MGME1: variants seen among roughly 807,000 people sequenced by gnomAD.
MGME1 encodes chromosome 20 open reading frame 72.
In MGME1, 22 loss-of-function variants were observed where a neutral mutation model predicts 33.0. The ratio of observed to expected loss-of-function variants is 0.67; its 90% confidence interval spans 0.48 to 0.95. MGME1 has a LOEUF of 0.95. Among genes scored for constraint, MGME1 ranks in the 40% least tolerant of loss-of-function variants. The pLI is 0.00. For synonymous variants in MGME1, 133 were observed against 144.0 expected (o/e 0.92, Z 0.55); for missense variants, 383 against 397.8 (o/e 0.96, Z 0.32).
intron 2 of MGME1, among the ~76,000 whole-genome samples, chr20:17,973,085 C>G (rs953915631): frequency 2.6e-5 from 4 of 152,144 alleles, no homozygotes; most frequent in African/African-American, 9.7e-5. Context: ...TGGCTCATGC[C>G]TGTAATCCTA....
At chr20:17,976,550 A>C (rs1352714951) in intron 3 of MGME1, among the ~76,000 whole-genome samples, 1 of 152,222 alleles carries the variant, frequency 6.6e-6, no homozygotes, top group East Asian at 1.9e-4. Context: ...TAAAGATAGC[A>C]CCATGATCTG....
chr20:17,981,814 T>C (rs1049484797), intron 3 of MGME1, among the ~76,000 whole-genome samples: 3 of 152,042 alleles, frequency 2.0e-5, no homozygotes, highest in East Asian at 3.9e-4. Flanking sequence ...GGTGCCTGGC[T>C]AATTTTTTTT....
chr20:17,986,169 A>T (rs1344227346), intron 3 of MGME1, among the ~76,000 whole-genome samples: 1 of 152,014 alleles, frequency 6.6e-6, no homozygotes, highest in African/African-American at 2.4e-5. Context: ...CCCAGGTTCA[A>T]GTAATTCTCC....
At chr20:17,976,724 C>T (rs1056128198) in intron 3 of MGME1, among the ~76,000 whole-genome samples, 9 of 151,922 alleles carry the variant, frequency 5.9e-5, no homozygotes, top group Admixed American at 1.3e-4. Flanking sequence ...TGCAGTGGTG[C>T]GATTTCAGCT....
At position 17,990,410 on chromosome 20, in the gene MGME1, T is replaced by TGGGCGGGGG. The variant is rs1555792156; in HGVS notation, c.*304_*305insCGGGGGGGG. The stretch of plus-strand genomic sequence containing the variant: ...ACTCTTGTACTCCCTTGAGGGACAT[T>TGGGCGGGGG]GGGGGGGGGGGGGCGTGGTCCCAGG... On this transcript the variant is annotated 3_prime_UTR_variant, in exon 5 of 5. Coordinates refer to ENST00000377710, the MANE Select transcript of MGME1 (RefSeq NM_052865.4). 5 of 44,514 alleles carry TGGGCGGGGG rather than the reference T, an allele frequency of 1.1e-4. No homozygotes were observed. Among genetic ancestry groups the TGGGCGGGGG allele is most frequent in the African/African-American group, 7.0e-4 (5 of 7,190 alleles). The allele number at this position is 44,514 out of a possible 1,614,324, so 2.8% of individuals were successfully genotyped here. A position where few individuals can be genotyped will look rare whatever the true frequency, so the allele number is the denominator to read the frequency against.
intron 2 of MGME1, among the ~76,000 whole-genome samples, chr20:17,971,411 C>T (rs2035726109): frequency 6.6e-6 from 1 of 152,178 alleles, no homozygotes; most frequent in South Asian, 2.1e-4. Flanking sequence ...GTCTGCTTTC[C>T]AAGCAAGCAA....
intron 2 of MGME1, among the ~76,000 whole-genome samples, chr20:17,973,904 C>T (rs1405327847): frequency 6.6e-6 from 1 of 152,090 alleles, no homozygotes; most frequent in African/African-American, 2.4e-5. Context: ...ATGGGGGTAA[C>T]TTACAATCCC....
intron 3 of MGME1, among the ~76,000 whole-genome samples, chr20:17,987,825 T>C (rs541046506): frequency 1.3e-5 from 2 of 152,228 alleles, no homozygotes; most frequent in South Asian, 2.1e-4. Context: ...CCTTTTGATA[T>C]TTGCATTTGG....
Position 17,975,891 on chromosome 20 carries a change from T to C in MGME1, c.719T>C (p.Val240Ala), listed in dbSNP as rs745452518. 3.7e-6 allele frequency: 6 copies of C among 1,613,444 alleles called. No homozygotes were observed. In the South Asian group the frequency reaches 6.6e-5, roughly 18 times the overall value. The change falls in exon 3 of 5, where the codon GTG becomes GCG. Residue 240 changes from valine (V) to alanine (A), a missense_variant. Transcript: ENST00000377710. ...AACTATATAGGTCTGCTGGACTGTG[T>C]GGCTGAGTATCAGTAAGTATGAGAT... Reference protein sequence around the residue: ...TLNYIGLLDCVAEYQGKLCVI... With the variant: ...TLNYIGLLDCAAEYQGKLCVI...
At position 17,990,684 on chromosome 20, in the gene MGME1, A is replaced by G. The variant is rs909564140; in HGVS notation, c.*575A>G. 2.0e-5 allele frequency: 3 copies of G among 153,778 alleles called. No individual in the cohort carries two copies. In the South Asian group the frequency reaches 6.1e-4, roughly 31 times the overall value. 9.5% of individuals were successfully genotyped at this position (153,778 alleles called of 1,614,324 possible). A position where few individuals can be genotyped will look rare whatever the true frequency, so the allele number is the denominator to read the frequency against. On this transcript the variant is annotated 3_prime_UTR_variant, in exon 5 of 5. Transcript: ENST00000377710. ...AAAAATAAATACGTGATTAGCCTCA[A>G]CTAAACATTGCTGACTATAAAGACA...
chr20:17,973,640 C>A (rs76229700), intron 2 of MGME1, among the ~76,000 whole-genome samples: 20 of 147,664 alleles, frequency 1.4e-4, no homozygotes, highest in African/African-American at 1.5e-4. Flanking sequence ...GACCCTGTCT[C>A]AAAAAAAAAA....
rs746698375 is a variant in MGME1, at chr20:17,975,874, A to G, written c.702A>G (p.Ile234Met). The change falls in exon 3 of 5, where the codon ATA (isoleucine) becomes ATG (methionine). Residue 234 changes from isoleucine to methionine, a missense_variant. Coordinates refer to ENST00000377710, the MANE Select transcript of MGME1 (RefSeq NM_052865.4). ...SAVQHETLNY[I>M]GLLDCVAEYQ... Reference sequence around the variant, plus strand: ...TTCAACATGAAACCTTAAACTATATAGGTCTGCTGGACTGTGTGGCTGAGT... The same window carrying G: ...TTCAACATGAAACCTTAAACTATATGGGTCTGCTGGACTGTGTGGCTGAGT... 19 of 1,614,060 alleles carry G rather than the reference A, an allele frequency of 1.2e-5. No individual in the cohort carries two copies. In the South Asian group the frequency reaches 2.0e-4, roughly 17 times the overall value.
intron 3 of MGME1, among the ~76,000 whole-genome samples, chr20:17,977,914 T>TG (rs2035908868): frequency 1.3e-5 from 2 of 152,074 alleles, no homozygotes; most frequent in Non-Finnish European, 2.9e-5. Context: ...GTACCCCTAA[T>TG]CCAAATAAGG....
At chr20:17,988,057 A>G (rs1000729566) in intron 3 of MGME1, 109 bp from the exon 4 acceptor site, 13 of 1,097,822 alleles carry the variant, frequency 1.2e-5, no homozygotes, top group Non-Finnish European at 1.7e-5. Context: ...AATAAGAGCA[A>G]TGGTCATTGG....
intron 4 of MGME1, among the ~76,000 whole-genome samples, chr20:17,989,627 C>G (rs944712127): frequency 1.3e-5 from 2 of 151,598 alleles, no homozygotes; most frequent in African/African-American, 4.8e-5. Context: ...TGTGCCACTG[C>G]ACTCCAGCCT....
Position 17,990,098 on chromosome 20 carries a change from T to C in MGME1, c.1024T>C (p.Tyr342His). 2 of 1,614,042 alleles carry C rather than the reference T, an allele frequency of 1.2e-6. No homozygotes were observed. Among genetic ancestry groups the C allele is most frequent in the African/African-American group, 1.3e-5 (1 of 75,038 alleles). Reference protein sequence around the residue: ...KKNQNIQKPEYSE With the variant: ...KKNQNIQKPEHSE The stretch of plus-strand genomic sequence containing the variant: ...GAACCAGAATATTCAGAAACCAGAA[T>C]ATTCAGAATAGGGAGCAAGTTGCTA... Residue 342 changes from tyrosine to histidine, a missense_variant, in exon 5 of 5, where the codon TAT becomes CAT. Transcript: ENST00000377710.
At chr20:17,978,416 G>A (rs953963787) in intron 3 of MGME1, among the ~76,000 whole-genome samples, 5 of 152,108 alleles carry the variant, frequency 3.3e-5, no homozygotes, top group African/African-American at 1.2e-4. Context: ...TGTTGGCCAG[G>A]CTGGTCTCGA....
chr20:17,969,757 T>A, intron 1 of MGME1, 44 bp from the exon 2 acceptor site: 1 of 1,218,122 alleles, frequency 8.2e-7, no homozygotes, highest in South Asian at 1.5e-5. Context: ...TGCAATATCA[T>A]TCTGATGCAG....
At chr20:17,977,735 G>T (rs1311063147) in intron 3 of MGME1, among the ~76,000 whole-genome samples, 1 of 152,154 alleles carries the variant, frequency 6.6e-6, no homozygotes, top group African/African-American at 2.4e-5. Flanking sequence ...GGTCTGTTTA[G>T]TAAACATTAT....
Sources: allele counts gnomAD v4.1 joint callset (sites outside exome capture counted in the v4.1 genomes callset), GRCh38; gene constraint gnomAD v4.1.1; transcripts MANE v1.5; gene names NCBI Gene and HGNC (gene_info 2026-07-23, HGNC 2026-07-21).